LARGE1: variants seen among roughly 807,000 people sequenced by gnomAD.
LARGE1 encodes xylosyl- and glucuronyltransferase LARGE1.
In LARGE1, 43 loss-of-function variants were observed where a neutral mutation model predicts 87.6. The ratio of observed to expected loss-of-function variants is 0.49; its 90% CI spans 0.38 to 0.63. LARGE1 has a LOEUF of 0.63. Ranked by LOEUF, LARGE1 falls within the 30% of genes least tolerant of loss-of-function variation. The probability of loss-of-function intolerance (pLI) is 0.00; values close to 1 mark genes in which losing one functional copy is unlikely to be tolerated. For synonymous variants in LARGE1, 434 were observed against 394.6 expected, an observed-to-expected ratio of 1.10 and a Z score of -1.18; for missense variants, 802 against 1,000.2, an observed-to-expected ratio of 0.80 and a Z score of 2.67.
chr22:33,067,752 C>T, the LARGE1 span, among the ~76,000 whole-genome samples: 586 of 152,168 alleles, frequency 3.9e-3, 3 homozygotes, highest in Middle Eastern at 0.017. Flanking sequence ...GAGGCCAAGG[C>T]GGATGGATCA....
intron 11 of LARGE1, among the ~76,000 whole-genome samples, chr22:33,267,257 A>C (rs1439967572): frequency 1.3e-5 from 2 of 151,202 alleles, no homozygotes; most frequent in South Asian, 2.1e-4. Context: ...AACAAATAAA[A>C]CCCCAAAAAA....
intron 6 of LARGE1, among the ~76,000 whole-genome samples, chr22:33,463,862 TG>T (rs1168040337): frequency 6.6e-6 from 1 of 152,134 alleles, no homozygotes; most frequent in Non-Finnish European, 1.5e-5. Flanking sequence ...TTAGTAGAGA[TG>T]GGGTTTCACC....
intron 6 of LARGE1, among the ~76,000 whole-genome samples, chr22:33,521,639 G>A (rs1442862468): frequency 6.6e-6 from 1 of 152,204 alleles, no homozygotes; most frequent in Non-Finnish European, 1.5e-5. Context: ...CACAGTCTTG[G>A]TGAAAGTAAC....
chr22:33,494,974 C>A (rs750007146), intron 6 of LARGE1, among the ~76,000 whole-genome samples: 3 of 152,174 alleles, frequency 2.0e-5, no homozygotes, highest in Non-Finnish European at 1.5e-5. Flanking sequence ...GAGAGCCACA[C>A]TCCACTCAGT....
chr22:33,210,024 A>G (rs936226969), intron 11 of LARGE1, among the ~76,000 whole-genome samples: 1 of 152,124 alleles, frequency 6.6e-6, no homozygotes, highest in East Asian at 1.9e-4. Context: ...ACCCACCCCA[A>G]TCCTCTACTA....
At chr22:33,114,794 A>G in the LARGE1 span, among the ~76,000 whole-genome samples, 1 of 152,222 alleles carries the variant, frequency 6.6e-6, no homozygotes, top group Non-Finnish European at 1.5e-5. Flanking sequence ...ATAGAGTGGT[A>G]GTGAGGACAA....
At chr22:33,332,223 T>C (rs1355512635) in intron 10 of LARGE1, among the ~76,000 whole-genome samples, 1 of 152,130 alleles carries the variant, frequency 6.6e-6, no homozygotes. Context: ...GTTAACTGAA[T>C]CATGGGGGCA....
chr22:33,537,647 A>G (rs1354736800), intron 6 of LARGE1, among the ~76,000 whole-genome samples: 3 of 151,644 alleles, frequency 2.0e-5, no homozygotes, highest in African/African-American at 7.3e-5. Context: ...GTTCATTCCA[A>G]CCTCCACCTC....
At chr22:33,665,293 TCCACC>T (rs2081236362) in intron 2 of LARGE1, among the ~76,000 whole-genome samples, 1 of 152,208 alleles carries the variant, frequency 6.6e-6, no homozygotes, top group Non-Finnish European at 1.5e-5. Context: ...TTTGCCTGTC[TCCACC>T]TCATGAACAC....
chr22:33,549,959 A>G (rs1366974854), intron 6 of LARGE1, among the ~76,000 whole-genome samples: 3 of 152,140 alleles, frequency 2.0e-5, no homozygotes, highest in Non-Finnish European at 4.4e-5. Flanking sequence ...ATAGTATTCC[A>G]TGGTGTACAT....
intron 11 of LARGE1, among the ~76,000 whole-genome samples, chr22:33,257,216 AAACAAC>A (rs572360244): frequency 2.0e-5 from 3 of 151,816 alleles, no homozygotes; most frequent in African/African-American, 7.3e-5. Flanking sequence ...AAAAATAAAC[AAACAAC>A]AACAACAACA....
intron 11 of LARGE1, among the ~76,000 whole-genome samples, chr22:33,191,747 C>T (rs557061449): frequency 2.9e-4 from 44 of 152,154 alleles, no homozygotes; most frequent in African/African-American, 1.0e-3. Context: ...GGTGAGTGGC[C>T]CTTTCAGCGT....
At chr22:33,429,164 G>A (rs1456793452) in intron 7 of LARGE1, among the ~76,000 whole-genome samples, 1 of 151,960 alleles carries the variant, frequency 6.6e-6, no homozygotes, top group Admixed American at 6.6e-5. Flanking sequence ...CTCCAGGGTC[G>A]TCCTCAGTTT....
chr22:33,397,675 T>C (rs2065795801), intron 7 of LARGE1, among the ~76,000 whole-genome samples: 1 of 152,208 alleles, frequency 6.6e-6, no homozygotes, highest in Non-Finnish European at 1.5e-5. Flanking sequence ...TGTGTATGCA[T>C]TTCTGTTGAG....
the LARGE1 span, among the ~76,000 whole-genome samples, chr22:33,155,774 C>T: frequency 1.3e-5 from 2 of 152,140 alleles, no homozygotes; most frequent in Non-Finnish European, 2.9e-5. Context: ...CAGGGCATGT[C>T]AGAGACTTTT....
chr22:33,081,535 G>A, the LARGE1 span, among the ~76,000 whole-genome samples: 1 of 152,208 alleles, frequency 6.6e-6, no homozygotes, highest in Non-Finnish European at 1.5e-5. Flanking sequence ...CAATACGGGT[G>A]CAGGGGGAAG....
At chr22:33,650,717 C>T in intron 2 of LARGE1, 49 bp from the exon 3 acceptor site, 1 of 1,589,036 alleles carries the variant, frequency 6.3e-7, no homozygotes. Context: ...AACCATGCCT[C>T]AAGCCCCTCC....
At chr22:33,198,634 G>A (rs1444773754) in intron 11 of LARGE1, among the ~76,000 whole-genome samples, 2 of 104,480 alleles carry the variant, frequency 1.9e-5, no homozygotes, top group Admixed American at 9.5e-5. Flanking sequence ...TATATACACC[G>A]TGACACACAC....
chr22:33,618,375 T>C (rs867171540), intron 4 of LARGE1, among the ~76,000 whole-genome samples: 5 of 152,236 alleles, frequency 3.3e-5, no homozygotes, highest in Non-Finnish European at 5.9e-5. Context: ...CTGATTCATC[T>C]GTGACCTTGA....
Sources: gnomAD v4.1 joint callset for allele counts (sites outside exome capture counted in the v4.1 genomes callset) on GRCh38, gnomAD v4.1.1 for gene constraint, MANE v1.5 for transcripts, NCBI Gene and HGNC (gene_info 2026-07-23, HGNC 2026-07-21) for gene names.